The following PTPRD variants were observed in gnomAD, a reference collection of about 807,000 sequenced individuals.
PTPRD encodes the protein protein tyrosine phosphatase receptor type D.
PTPRD carries 34 observed loss-of-function variants against 214.5 expected under a neutral mutation model. The ratio of observed to expected loss-of-function variants is 0.16; its 90% CI spans 0.12 to 0.21. The LOEUF is 0.21. Among genes scored for constraint, PTPRD ranks in the 10% least tolerant of loss-of-function variants. PTPRD has a pLI of 1.00. For missense variants in PTPRD, 2,545 were observed against 2,398.7 expected (o/e 1.06, Z -1.27); for synonymous variants, 1,128 against 845.7 (o/e 1.33, Z -5.79).
Position 9,854,352 on chromosome 9 carries a change from T to C in PTPRD, c.-368+84155A>G, listed in dbSNP as rs961018130. Among the ~76,000 whole-genome samples the C allele has an allele frequency of 2.6e-4, 39 of 152,114 alleles. 1 individual carries two copies. The highest frequency in any genetic ancestry group is 9.4e-4 in the African/African-American group (39 of 41,420). ...ATTTGCCATAATTAGAATTTAATCATAGGTCCTGGAATCAAGGAAAAAAGC... is the reference window on the plus strand; with the variant it reads ...ATTTGCCATAATTAGAATTTAATCACAGGTCCTGGAATCAAGGAAAAAAGC... On this transcript the variant is annotated intron_variant, in intron 5 of 45. Transcript: ENST00000381196.
intron 11 of PTPRD, among the ~76,000 whole-genome samples, chr9:8,806,177 G>C (rs948609423): frequency 6.6e-6 from 1 of 150,506 alleles, no homozygotes; most frequent in Non-Finnish European, 1.5e-5. Flanking sequence ...CACCCACCTT[G>C]GCCTCCCAAA....
At chr9:9,948,046 A>C (rs2153987615) in intron 4 of PTPRD, among the ~76,000 whole-genome samples, 1 of 152,102 alleles carries the variant, frequency 6.6e-6, no homozygotes, top group South Asian at 2.1e-4. Flanking sequence ...AGAAAGGTAA[A>C]AATGAAGACA....
chr9:9,897,541 T>C (rs2075332206), intron 5 of PTPRD, among the ~76,000 whole-genome samples: 2 of 152,066 alleles, frequency 1.3e-5, no homozygotes, highest in Admixed American at 6.6e-5. Flanking sequence ...TGTTAAAATA[T>C]CTGTAACTTA....
chr9:9,953,534 ACTCACTTTTGGTTTTGTTTCT>A (rs2093641202), intron 4 of PTPRD, among the ~76,000 whole-genome samples: 3 of 151,742 alleles, frequency 2.0e-5, no homozygotes, highest in Admixed American at 2.0e-4. Context: ...ATACATACAC[ACTCACTTTTGGTTTTGTTTCT>A]CTGGAGAATT....
At chr9:10,540,037 T>C (rs2058740707) in intron 2 of PTPRD, among the ~76,000 whole-genome samples, 1 of 152,172 alleles carries the variant, frequency 6.6e-6, no homozygotes, top group Non-Finnish European at 1.5e-5. Flanking sequence ...TTTGTTTATT[T>C]ATTTATTTTG....
chr9:9,583,978 G>A (rs1340581475), intron 7 of PTPRD, among the ~76,000 whole-genome samples: 2 of 151,750 alleles, frequency 1.3e-5, no homozygotes, highest in African/African-American at 2.4e-5. Flanking sequence ...TTTGCCAATT[G>A]GCAATTCAGA....
intron 7 of PTPRD, among the ~76,000 whole-genome samples, chr9:9,649,665 A>C (rs1215067986): frequency 1.3e-5 from 2 of 152,126 alleles, no homozygotes; most frequent in East Asian, 3.9e-4. Context: ...AACTAGAGTC[A>C]CTCATTTTGC....
chr9:8,330,136 C>T (rs192339810), intron 44 of PTPRD, among the ~76,000 whole-genome samples: 1 of 152,084 alleles, frequency 6.6e-6, no homozygotes, highest in Non-Finnish European at 1.5e-5. Flanking sequence ...AGGGAAATCC[C>T]CTGACCCCTT....
At chr9:9,593,593 G>C (rs1463717888) in intron 7 of PTPRD, among the ~76,000 whole-genome samples, 1 of 151,958 alleles carries the variant, frequency 6.6e-6, no homozygotes, top group Non-Finnish European at 1.5e-5. Flanking sequence ...CAAATGTCAA[G>C]TGAAGGAATG....
chr9:10,149,323 C>A (rs147379308), intron 3 of PTPRD, among the ~76,000 whole-genome samples: 59 of 152,284 alleles, frequency 3.9e-4, no homozygotes, highest in Middle Eastern at 3.4e-3. Flanking sequence ...CTGGGAGAAT[C>A]TGGGCCAGAT....
chr9:9,328,782 G>T (rs1215459106), intron 9 of PTPRD, among the ~76,000 whole-genome samples: 1 of 150,796 alleles, frequency 6.6e-6, no homozygotes, highest in East Asian at 1.9e-4. Context: ...GATTACAGGT[G>T]CCTACCACCA....
chr9:9,989,842 T>A lies in PTPRD; in HGVS notation c.-472+43876A>T, dbSNP rs150826114. ...GTTCGTTCTTGCTGGTGCCCAAAGT[T>A]GCTTGCCCCAGCTCCTGCACCTGCT... On this transcript the variant is annotated intron_variant, in intron 4 of 45. Transcript: ENST00000381196. 2.6e-4 allele frequency among the ~76,000 whole-genome samples: 39 copies of A among 152,292 alleles called. No homozygotes were observed. The East Asian group carries it at 7.4e-3, about 29-fold the overall frequency.
At chr9:10,008,118 A>G (rs1198000539) in intron 4 of PTPRD, among the ~76,000 whole-genome samples, 2 of 151,994 alleles carry the variant, frequency 1.3e-5, no homozygotes, top group Non-Finnish European at 2.9e-5. Context: ...TAAAATCTTA[A>G]GCACCTCAAC....
In PTPRD at chr9:9,816,387, A is replaced by C. The variant is rs939157167; in HGVS notation, c.-367-49536T>G. ...GAAAGATCAACCACATTATCGATTT[A>C]ATAAATAGCCTTATGTTCCACACAA... On this transcript the variant is annotated intron_variant, in intron 5 of 45. Transcript: ENST00000381196. 3.3e-5 allele frequency among the ~76,000 whole-genome samples: 5 copies of C among 152,108 alleles called. 1 individual carries two copies. The highest frequency in any genetic ancestry group is 7.4e-5 in the Non-Finnish European group (5 of 67,982).
chr9:9,726,022 T>C (rs753537508), intron 7 of PTPRD, among the ~76,000 whole-genome samples: 1 of 152,180 alleles, frequency 6.6e-6, no homozygotes, highest in African/African-American at 2.4e-5. Context: ...CTATGAATGT[T>C]TGAAACAGTA....
intron 3 of PTPRD, among the ~76,000 whole-genome samples, chr9:10,290,589 G>A (rs2095499584): frequency 6.6e-6 from 1 of 151,956 alleles, no homozygotes; most frequent in African/African-American, 2.4e-5. Context: ...AGAAATTAAG[G>A]AATTATATTA....
At chr9:10,172,440 G>A (rs1283098274) in intron 3 of PTPRD, among the ~76,000 whole-genome samples, 1 of 152,106 alleles carries the variant, frequency 6.6e-6, no homozygotes, top group Non-Finnish European at 1.5e-5. Context: ...AACAAATCAA[G>A]TAGTTGAAAT....
intron 9 of PTPRD, among the ~76,000 whole-genome samples, chr9:9,357,725 A>AAAAC (rs4008109): frequency 8.6e-5 from 13 of 150,774 alleles, no homozygotes; most frequent in African/African-American, 3.2e-4. Context: ...AAAAAAAAAA[A>AAAAC]ATGACACAGT....
At chr9:8,758,765 T>C (rs2094198377) in intron 11 of PTPRD, among the ~76,000 whole-genome samples, 1 of 152,020 alleles carries the variant, frequency 6.6e-6, no homozygotes. Context: ...AATAACCTTT[T>C]TTTTTTTTTT....
Sources: allele counts gnomAD v4.1 joint callset (sites outside exome capture counted in the v4.1 genomes callset), GRCh38; gene constraint gnomAD v4.1.1; transcripts MANE v1.5; gene names NCBI Gene and HGNC (gene_info 2026-07-23, HGNC 2026-07-21).